The following SLC38A10 variants were observed in gnomAD, a reference collection of about 807,000 sequenced individuals.
SLC38A10 encodes Sodium-coupled neutral amino acid transporter 10.
A neutral mutation model predicts 81.0 loss-of-function variants in SLC38A10; 53 were observed. That is an observed-to-expected ratio of 0.65 (90% confidence interval 0.53 to 0.82). The LOEUF is 0.82. Ranked by LOEUF, SLC38A10 falls within the 40% of genes least tolerant of loss-of-function variation. SLC38A10 has a pLI of 0.00. For synonymous variants in SLC38A10, 665 were observed against 655.3 expected (o/e 1.01, Z -0.23); for missense variants, 1,471 against 1,545.0 (o/e 0.95, Z 0.80).
In SLC38A10 at chr17:81,281,980, G is replaced by A. The variant is rs776401082; in HGVS notation, c.501+209C>T. Among the ~76,000 whole-genome samples, 1 of 152,064 alleles carries A rather than the reference G, an allele frequency of 6.6e-6. No individual in the cohort carries two copies. The highest frequency in any genetic ancestry group is 1.5e-5 in the Non-Finnish European group (1 of 68,006). ...CCCCAGCCTCTCCTGCCAGCCAACC[G>A]CACCTGGGTCCAGCCAGCCCCGTCT... On this transcript the variant is annotated intron_variant, in intron 5 of 15. Coordinates refer to ENST00000374759, the MANE Select transcript of SLC38A10 (RefSeq NM_001037984.3). This position sits in a 1 kb window ranked among gnomAD's most constrained non-coding sequence, Gnocchi z 5.3.
At chr17:81,280,082 A>G (rs928788986) in intron 6 of SLC38A10, 4 of 437,070 alleles carry the variant, frequency 9.2e-6, no homozygotes, top group Non-Finnish European at 1.9e-5. Flanking sequence ...CCGGGCACGA[A>G]TCACTCGCTC....
chr17:81,266,259 G>A (rs943415864), intron 10 of SLC38A10, among the ~76,000 whole-genome samples: 2 of 152,220 alleles, frequency 1.3e-5, no homozygotes, highest in Non-Finnish European at 2.9e-5. Context: ...AGTACAGTAA[G>A]GTGAACGGGC....
chr17:81,275,050 C>T (rs1046319222), intron 8 of SLC38A10, among the ~76,000 whole-genome samples: 1 of 152,172 alleles, frequency 6.6e-6, no homozygotes, highest in Non-Finnish European at 1.5e-5. Flanking sequence ...GGACTACAGG[C>T]ATGCGCTGCC....
rs780099978 is a variant in SLC38A10, at chr17:81,253,266, C to T, written c.1289-26G>A. The T allele has an allele frequency of 5.0e-6, 8 of 1,610,060 alleles. No homozygotes were observed. The highest frequency in any genetic ancestry group is 6.8e-6 in the Non-Finnish European group (8 of 1,177,480). ...CTGGGAGCAGGGCACAGTTAGGGAA[C>T]TGCACTGCCAAGCAGCTCCAGGAGC... On this transcript the variant is annotated intron_variant, in intron 11 of 15. Transcript: ENST00000374759. The surrounding 1 kb of genome is among the most constrained non-coding windows in gnomAD (Gnocchi z 4.1).
Position 81,281,464 on chromosome 17 carries a change from A to G in SLC38A10, c.501+725T>C, listed in dbSNP as rs192038577. Among the ~76,000 whole-genome samples the G allele has an allele frequency of 6.6e-6, 1 of 152,180 alleles. No individual in the cohort carries two copies. Among genetic ancestry groups the G allele is most frequent in the Non-Finnish European group, 1.5e-5 (1 of 67,992 alleles). ...CCACAGCTGGCCCCTAGTCCATCCT[A>G]TTATAAATTCTCATTTAGAAAAATA... On this transcript the variant is annotated intron_variant, in intron 5 of 15. Coordinates refer to ENST00000374759, the MANE Select transcript of SLC38A10 (RefSeq NM_001037984.3). The surrounding 1 kb of genome is among the most constrained non-coding windows in gnomAD (Gnocchi z 5.3).
At chr17:81,278,091 C>T (rs1412327914) in intron 6 of SLC38A10, among the ~76,000 whole-genome samples, 7 of 152,192 alleles carry the variant, frequency 4.6e-5, no homozygotes, top group Admixed American at 3.3e-4. Context: ...CAGCGGCCAG[C>T]GGAGCCAAAT....
chr17:81,256,422 CAA>C (rs1162459003), intron 11 of SLC38A10, among the ~76,000 whole-genome samples: 2 of 152,232 alleles, frequency 1.3e-5, no homozygotes, highest in Non-Finnish European at 2.9e-5. Flanking sequence ...GTCCGGACCC[CAA>C]GAGTCGGCAA....
intron 14 of SLC38A10, 165 bp downstream of exon 14, chr17:81,251,328 G>A (rs764616847): frequency 1.2e-6 from 2 of 1,612,876 alleles, no homozygotes; most frequent in Admixed American, 1.7e-5. Context: ...CTGCTGATGG[G>A]AAGGGAGCAG....
chr17:81,247,032 C>T lies in SLC38A10; in HGVS notation c.2095G>A (p.Ala699Thr), dbSNP rs2062858699. 5 of 1,597,094 alleles carry T rather than the reference C, an allele frequency of 3.1e-6. No homozygotes were observed. Among genetic ancestry groups the T allele is most frequent in the East Asian group, 2.2e-5 (1 of 44,682 alleles). ...EAGRAEMLDH[A>T]VLLQVIKEQQ... is the part of the protein sequence containing the mutation. Reference sequence around the variant, plus strand: ...TCTTTGATCACCTGAAGCAGGACGGCGTGGTCCAGCATCTCCGCCCTGCCA... The same window carrying T: ...TCTTTGATCACCTGAAGCAGGACGGTGTGGTCCAGCATCTCCGCCCTGCCA... The change falls in exon 15 of 16, where the codon GCC becomes ACC. Residue 699 changes from alanine to threonine, a missense_variant. This residue lies in a region of SLC38A10 where 751 missense variants were observed against 717.4 expected (regional missense o/e 1.05). Transcript: ENST00000374759.
chr17:81,271,129 A>T, intron 9 of SLC38A10, 105 bp from the exon 10 acceptor site: 1 of 936,848 alleles, frequency 1.1e-6, no homozygotes, highest in East Asian at 2.6e-5. Context: ...GCATTGAAGG[A>T]AATGCCGTCT....
Position 81,246,933 on chromosome 17 carries a change from C to T in SLC38A10, c.2194G>A (p.Glu732Lys). The part of the protein sequence containing the change: ...LLAVIEEQHK[E>K]IHQQRQEDEE... ...TCCTCCTGCCTCTGCTGGTGGATCTCCTTGTGCTGCTCCTCGATCACCGCC... is the reference window on the plus strand; with the variant it reads ...TCCTCCTGCCTCTGCTGGTGGATCTTCTTGTGCTGCTCCTCGATCACCGCC... Residue 732 changes from glutamate to lysine, a missense_variant, in exon 15 of 16, where the codon GAG becomes AAG. Around this residue, in one of 2 missense-constraint regions of SLC38A10, gnomAD observed 751 missense variants for 717.4 expected, o/e 1.05. Coordinates refer to ENST00000374759, the MANE Select transcript of SLC38A10 (RefSeq NM_001037984.3). 2 of 1,608,030 alleles carry T rather than the reference C, an allele frequency of 1.2e-6. No individual in the cohort carries two copies. Among genetic ancestry groups the T allele is most frequent in the East Asian group, 2.2e-5 (1 of 44,860 alleles).
In SLC38A10 at chr17:81,251,487, C is replaced by T. The variant is rs763158730; in HGVS notation, c.2065+6G>A. On this transcript the variant is annotated splice_donor_region_variant and intron_variant, in intron 14 of 15. Transcript: ENST00000374759. ...GAGGCAGGCGGCTGTAGGGCGGAGG[C>T]CTTACCCTCCAGCTGGCTGGCCGCC... 1 of 1,603,000 alleles carries T rather than the reference C, an allele frequency of 6.2e-7. No homozygotes were observed. Among genetic ancestry groups the T allele is most frequent in the Admixed American group, 1.7e-5 (1 of 58,266 alleles).
In SLC38A10 at chr17:81,250,098, T is replaced by G. The variant is rs568452488; in HGVS notation, c.2065+1395A>C. The G allele has an allele frequency of 1.1e-4, 146 of 1,288,120 alleles. No homozygotes were observed. In the African/African-American group the frequency reaches 2.0e-3, roughly 17 times the overall value. 79.8% of individuals were successfully genotyped at this position (1,288,120 alleles called of 1,614,324 possible). On this transcript the variant is annotated intron_variant, in intron 14 of 15. Transcript: ENST00000374759. Reference sequence around the variant, plus strand: ...CTACTATCTTTTTAATTTCAGCTGCTCGTCCCGTTGAGAGGCATACGGAAG... The same window carrying G: ...CTACTATCTTTTTAATTTCAGCTGCGCGTCCCGTTGAGAGGCATACGGAAG...
rs1027389522 is a variant in SLC38A10 at position 81,277,560 on chromosome 17, C to T, written c.627-427G>A. 5.3e-5 allele frequency among the ~76,000 whole-genome samples: 8 copies of T among 152,234 alleles called. No individual in the cohort carries two copies. Among genetic ancestry groups the T allele is most frequent in the Admixed American group, 1.3e-4 (2 of 15,284 alleles). ...CTCGGCGCCTCCATCTCGGCGCCTCCGCACAGGCATGATCAGAGTCGGCAC... is the reference window on the plus strand; with the variant it reads ...CTCGGCGCCTCCATCTCGGCGCCTCTGCACAGGCATGATCAGAGTCGGCAC... On this transcript the variant is annotated intron_variant, in intron 6 of 15. Transcript: ENST00000374759. The surrounding 1 kb of genome is among the most constrained non-coding windows in gnomAD (Gnocchi z 4.5).
chr17:81,254,206 C>A (rs1035979833), intron 11 of SLC38A10, among the ~76,000 whole-genome samples: 1 of 152,194 alleles, frequency 6.6e-6, no homozygotes, highest in Non-Finnish European at 1.5e-5. Context: ...GAGTCCAGTT[C>A]AGAGCAGCAG....
chr17:81,247,177 G>T (rs1432871638), intron 14 of SLC38A10, 116 bp from the exon 15 acceptor site: 3 of 1,074,094 alleles, frequency 2.8e-6, no homozygotes, highest in African/African-American at 1.6e-5. Context: ...GAGTGTGCCC[G>T]AACACTGGCC....
chr17:81,258,311 G>C (rs1282261047), intron 11 of SLC38A10, among the ~76,000 whole-genome samples: 1 of 152,208 alleles, frequency 6.6e-6, no homozygotes, highest in East Asian at 1.9e-4. Flanking sequence ...TATCACGGGG[G>C]AGCCGGGGGC....
rs963958129 is a variant in SLC38A10 at position 81,286,160 on chromosome 17, G to C, written c.218-1265C>G. Among the ~76,000 whole-genome samples the C allele has an allele frequency of 6.6e-6, 1 of 152,218 alleles. No individual in the cohort carries two copies. Among genetic ancestry groups the C allele is most frequent in the African/African-American group, 2.4e-5 (1 of 41,458 alleles). ...CTCCACACCCCTCAGTGACGGCACA[G>C]CCCGGAAGCAACAAAACACGGCGCT... On this transcript the variant is annotated intron_variant, in intron 2 of 15. Coordinates refer to ENST00000374759, the MANE Select transcript of SLC38A10 (RefSeq NM_001037984.3). The surrounding 1 kb of genome is among the most constrained non-coding windows in gnomAD (Gnocchi z 6.0).
At chr17:81,291,486 CA>C (rs397856930) in intron 1 of SLC38A10, among the ~76,000 whole-genome samples, 52,110 of 111,850 alleles carry the variant, frequency 0.47, 10,401 homozygotes, top group African/African-American at 0.61. Context: ...GACTCCATCT[CA>C]AAAAAAAAAA....
Sources: allele counts gnomAD v4.1 joint callset (sites outside exome capture counted in the v4.1 genomes callset), GRCh38; gene constraint gnomAD v4.1.1; regional missense constraint gnomAD v4.1.1; non-coding constraint Gnocchi (gnomAD v3.1); transcripts MANE v1.5; gene names NCBI Gene and HGNC (gene_info 2026-07-23, HGNC 2026-07-21).